Variants in HIBADH observed in about 807,000 individuals in gnomAD.
HIBADH encodes 3-hydroxyisobutyrate dehydrogenase, also known as 3-hydroxyisobutyrate dehydrogenase, mitochondrial.
In HIBADH, 25 loss-of-function variants were observed where a neutral mutation model predicts 36.1. The ratio of observed to expected loss-of-function variants is 0.69; its 90% CI spans 0.50 to 0.97. The LOEUF (loss-of-function observed/expected upper bound fraction) is 0.97. Ranked by LOEUF, HIBADH falls within the 50% of genes least tolerant of loss-of-function variation. The probability of loss-of-function intolerance (pLI) is 0.00; values close to 1 mark genes in which losing one functional copy is unlikely to be tolerated. For synonymous variants in HIBADH, 160 were observed against 149.5 expected (o/e 1.07, Z -0.51); for missense variants, 421 against 418.0 (o/e 1.01, Z -0.06).
intron 2 of HIBADH, among the ~76,000 whole-genome samples, chr7:27,643,270 G>C (rs954858990): frequency 1.6e-4 from 25 of 152,224 alleles, no homozygotes; most frequent in Admixed American, 1.2e-3. Flanking sequence ...ATAGTGATTA[G>C]AGCAATAAAA....
intron 5 of HIBADH, among the ~76,000 whole-genome samples, chr7:27,540,465 T>C (rs370355275): frequency 3.8e-4 from 58 of 152,338 alleles, no homozygotes; most frequent in Middle Eastern, 3.4e-3. Context: ...ACAATCTCTT[T>C]AGTGATTTCC....
chr7:27,659,888 CA>C (rs1786382241), intron 1 of HIBADH, among the ~76,000 whole-genome samples: 1 of 147,248 alleles, frequency 6.8e-6, no homozygotes, highest in Non-Finnish European at 1.5e-5. Context: ...AGCCTTGTCT[CA>C]AAAAACATTT....
intron 4 of HIBADH, among the ~76,000 whole-genome samples, chr7:27,593,280 G>T (rs1784974712): frequency 6.6e-6 from 1 of 152,212 alleles, no homozygotes; most frequent in East Asian, 1.9e-4. Context: ...GCTCATCCGG[G>T]TATGTATTCT....
At chr7:27,544,002 GA>G (rs1324684862) in intron 4 of HIBADH, among the ~76,000 whole-genome samples, 1 of 152,056 alleles carries the variant, frequency 6.6e-6, no homozygotes, top group African/African-American at 2.4e-5. Flanking sequence ...AATATTGAAA[GA>G]AATCTTGATT....
At chr7:27,531,144 A>T (rs1247267023) in intron 7 of HIBADH, 48 bp downstream of exon 7, 1 of 1,528,876 alleles carries the variant, frequency 6.5e-7, no homozygotes, top group African/African-American at 1.4e-5. Flanking sequence ...GTGTTATTGG[A>T]CCGTGAAACG....
intron 4 of HIBADH, among the ~76,000 whole-genome samples, chr7:27,607,084 G>A (rs1785241556): frequency 6.6e-6 from 1 of 152,132 alleles, no homozygotes; most frequent in African/African-American, 2.4e-5. Flanking sequence ...ACAGAGCAAA[G>A]TGCAGGATTT....
At chr7:27,601,558 AT>A (rs1354229271) in intron 4 of HIBADH, among the ~76,000 whole-genome samples, 2 of 152,092 alleles carry the variant, frequency 1.3e-5, no homozygotes, top group African/African-American at 4.8e-5. Context: ...AATTTTGGGT[AT>A]TTAAAAAGTT....
chr7:27,613,111 CATATAAATATATTTATATATATTT>C (rs1785354356), intron 4 of HIBADH, among the ~76,000 whole-genome samples: 1 of 110,602 alleles, frequency 9.0e-6, no homozygotes, highest in African/African-American at 3.4e-5. Context: ...TATATATATT[CATATAAATATATTTATATATATTT>C]ATATAAATAT....
At chr7:27,617,862 C>A (rs1785458290) in intron 4 of HIBADH, among the ~76,000 whole-genome samples, 1 of 152,198 alleles carries the variant, frequency 6.6e-6, no homozygotes, top group Non-Finnish European at 1.5e-5. Context: ...CATTCACCAT[C>A]CCCCAAGACC....
chr7:27,648,561 A>T lies in HIBADH; in HGVS notation c.252+912T>A, dbSNP rs576250685. Among the ~76,000 whole-genome samples the T allele has an allele frequency of 2.0e-5, 3 of 152,224 alleles. No homozygotes were observed. The South Asian group carries it at 6.2e-4, about 32-fold the overall frequency. ...TTTTTTTCTCACCTTTTTCTCAGGAATTTTTTAGTATTCTCTGTTCTGGGA... is the reference window on the plus strand; with the variant it reads ...TTTTTTTCTCACCTTTTTCTCAGGATTTTTTTAGTATTCTCTGTTCTGGGA... On this transcript the variant is annotated intron_variant, in intron 2 of 7. Coordinates refer to ENST00000265395, the MANE Select transcript of HIBADH (RefSeq NM_152740.4).
Position 27,661,726 on chromosome 7 carries a change from C to G in HIBADH, c.91+972G>C, listed in dbSNP as rs549818109. On this transcript the variant is annotated intron_variant, in intron 1 of 7. Transcript: ENST00000265395. ...TAATCCTCAGTATGATCTTGCTAAACGATGCATTGTTACAACTCTCAAACT... is the reference window on the plus strand; with the variant it reads ...TAATCCTCAGTATGATCTTGCTAAAGGATGCATTGTTACAACTCTCAAACT... 6.0e-5 allele frequency among the ~76,000 whole-genome samples: 9 copies of G among 151,248 alleles called. No homozygotes were observed. In the East Asian group the frequency reaches 9.7e-4, roughly 16 times the overall value.
chr7:27,528,185 C>T (rs1274738681), intron 7 of HIBADH, among the ~76,000 whole-genome samples: 1 of 152,012 alleles, frequency 6.6e-6, no homozygotes, highest in Non-Finnish European at 1.5e-5. Context: ...CACTGAATGG[C>T]AGCTCTCTCT....
chr7:27,553,352 T>A (rs1000046567), intron 4 of HIBADH, among the ~76,000 whole-genome samples: 1 of 152,200 alleles, frequency 6.6e-6, no homozygotes, highest in African/African-American at 2.4e-5. Flanking sequence ...CGTTCTTCTA[T>A]CCCAAGTTGG....
intron 4 of HIBADH, among the ~76,000 whole-genome samples, chr7:27,558,568 C>A (rs1184502852): frequency 1.3e-5 from 2 of 152,058 alleles, no homozygotes; most frequent in Non-Finnish European, 2.9e-5. Context: ...CTCAAGCAAT[C>A]CACCTGCGGT....
chr7:27,621,042 C>T (rs1056794496), intron 4 of HIBADH, among the ~76,000 whole-genome samples: 2 of 151,698 alleles, frequency 1.3e-5, no homozygotes, highest in African/African-American at 2.4e-5. Context: ...AAAAGATATT[C>T]CATGCAAACA....
intron 4 of HIBADH, among the ~76,000 whole-genome samples, chr7:27,612,452 A>G (rs1252857780): frequency 6.6e-6 from 1 of 151,610 alleles, no homozygotes; most frequent in African/African-American, 2.4e-5. Context: ...CTGCCTCCCA[A>G]GTAGCTGGGA....
At chr7:27,653,427 C>T (rs781733464) in intron 1 of HIBADH, among the ~76,000 whole-genome samples, 9 of 152,144 alleles carry the variant, frequency 5.9e-5, no homozygotes, top group Non-Finnish European at 1.2e-4. Flanking sequence ...AAAAGATGTC[C>T]AACAGACTAT....
chr7:27,564,658 T>TA (rs554010247), intron 4 of HIBADH, among the ~76,000 whole-genome samples: 325 of 152,320 alleles, frequency 2.1e-3, no homozygotes, highest in African/African-American at 7.6e-3. Context: ...TTTTTCCATA[T>TA]AAAATTAATG....
At chr7:27,569,477 A>G (rs774409917) in intron 4 of HIBADH, among the ~76,000 whole-genome samples, 9 of 152,148 alleles carry the variant, frequency 5.9e-5, no homozygotes, top group Non-Finnish European at 8.8e-5. Context: ...CTAGATGTGC[A>G]TCAGCCAGGA....
Sources: gnomAD v4.1 joint callset for allele counts (sites outside exome capture counted in the v4.1 genomes callset) on GRCh38, gnomAD v4.1.1 for gene constraint, MANE v1.5 for transcripts, NCBI Gene and HGNC (gene_info 2026-07-23, HGNC 2026-07-21) for gene names.